The following HS6ST2 variants were observed in gnomAD, a reference collection of about 807,000 sequenced individuals.
The protein encoded by HS6ST2 is heparan sulfate 6-O-sulfotransferase 2.
HS6ST2 carries 17 observed loss-of-function variants against 33.0 expected under a neutral mutation model. The observed-to-expected ratio is 0.52, with a 90% confidence interval of 0.35 to 0.77. HS6ST2 has a LOEUF of 0.77. HS6ST2 is among the 30% of genes least tolerant of loss of function. The pLI is 0.01. For missense variants in HS6ST2, 519 were observed against 551.7 expected, an observed-to-expected ratio of 0.94 and a Z score of 0.59; for synonymous variants, 248 against 237.1, an observed-to-expected ratio of 1.05 and a Z score of -0.42.
At chrX:132,783,338 T>C (rs755085532) in intron 2 of HS6ST2, among the ~76,000 whole-genome samples, 1 of 112,052 alleles carries the variant, frequency 8.9e-6, no homozygotes, top group Admixed American at 9.5e-5. Flanking sequence ...GGTGCTGTTT[T>C]GCAGACTCAA....
intron 4 of HS6ST2, among the ~76,000 whole-genome samples, chrX:132,652,522 A>T (rs2063701456): frequency 8.9e-6 from 1 of 111,819 alleles, no homozygotes; most frequent in Non-Finnish European, 1.9e-5. Flanking sequence ...TTTATCACTA[A>T]AGGTAATCAA....
intron 2 of HS6ST2, among the ~76,000 whole-genome samples, chrX:132,764,969 A>C (rs918538747): frequency 1.8e-5 from 2 of 112,199 alleles, no homozygotes; most frequent in African/African-American, 3.2e-5. Flanking sequence ...GAAAGAGTAA[A>C]GAGATTCTGG....
Position 132,750,451 on chromosome X carries a change from C to T in HS6ST2, c.948-41957G>A, listed in dbSNP as rs1225123789. Among the ~76,000 whole-genome samples, 3 of 110,038 alleles carry T rather than the reference C, an allele frequency of 2.7e-5. No homozygotes were observed. The Admixed American group carries it at 2.9e-4, about 11-fold the overall frequency. ...ATGGGGTAAGGAGTGAGCAAGTAAA[C>T]CAAAAGCCACAACAATCTACTTTTA... On this transcript the variant is annotated intron_variant, in intron 2 of 4. Transcript: ENST00000370833.
intron 2 of HS6ST2, among the ~76,000 whole-genome samples, chrX:132,903,575 T>C (rs2066444532): frequency 8.9e-6 from 1 of 111,937 alleles, no homozygotes; most frequent in Non-Finnish European, 1.9e-5. Context: ...TTGGCATAAG[T>C]ATAGATAAAT....
intron 2 of HS6ST2, among the ~76,000 whole-genome samples, chrX:132,752,275 C>T (rs1462860155): frequency 9.1e-6 from 1 of 110,391 alleles, no homozygotes; most frequent in African/African-American, 3.3e-5. Context: ...AGTTCGAGAC[C>T]AGCCTGGCCA....
intron 2 of HS6ST2, among the ~76,000 whole-genome samples, chrX:132,749,998 C>A (rs778300198): frequency 9.0e-6 from 1 of 110,844 alleles, no homozygotes; most frequent in African/African-American, 3.3e-5. Context: ...TGAGCTAGGC[C>A]CATTTAGCTA....
chrX:132,816,424 G>A (rs1182141649), intron 2 of HS6ST2, among the ~76,000 whole-genome samples: 1 of 112,068 alleles, frequency 8.9e-6, no homozygotes, highest in African/African-American at 3.2e-5. Context: ...AGTTCTTCAA[G>A]TGAGAGACCT....
intron 2 of HS6ST2, among the ~76,000 whole-genome samples, chrX:132,809,404 C>A (rs760038762): frequency 7.3e-4 from 82 of 112,121 alleles, no homozygotes; most frequent in Middle Eastern, 4.6e-3. Context: ...GAGAATAGAT[C>A]CCAGGAATTA....
intron 2 of HS6ST2, among the ~76,000 whole-genome samples, chrX:132,777,851 G>A (rs2064978844): frequency 8.9e-6 from 1 of 111,747 alleles, no homozygotes; most frequent in Admixed American, 9.5e-5. Context: ...TGGGGACAGC[G>A]AGTAGTTGAG....
At chrX:132,960,642 C>T (rs889602740), upstream of HS6ST2, among the ~76,000 whole-genome samples, 24 of 111,295 alleles carry the variant, frequency 2.2e-4, no homozygotes, top group African/African-American at 7.8e-4. Flanking sequence ...CACACACTCA[C>T]AGTCCAACCT....
chrX:132,807,752 G>A (rs764283634), intron 2 of HS6ST2, among the ~76,000 whole-genome samples: 3 of 112,181 alleles, frequency 2.7e-5, no homozygotes, highest in African/African-American at 6.5e-5. Context: ...CAAGCACTGC[G>A]AAAGGACGCT....
chrX:132,845,304 C>A (rs890821990), intron 2 of HS6ST2, among the ~76,000 whole-genome samples: 6 of 109,490 alleles, frequency 5.5e-5, no homozygotes, highest in African/African-American at 2.0e-4. Context: ...ATGTGTGTTG[C>A]ATGTGTGTAT....
At chrX:132,699,633 A>G (rs998548762) in intron 3 of HS6ST2, among the ~76,000 whole-genome samples, 2 of 112,082 alleles carry the variant, frequency 1.8e-5, no homozygotes, top group Non-Finnish European at 3.8e-5. Flanking sequence ...GAATTTCAGA[A>G]AACCTCTATT....
At chrX:132,732,709 G>A (rs1439469341) in intron 2 of HS6ST2, among the ~76,000 whole-genome samples, 1 of 111,444 alleles carries the variant, frequency 9.0e-6, no homozygotes, top group African/African-American at 3.3e-5. Flanking sequence ...ATGATTGTGA[G>A]GGCTCCCCAG....
chrX:132,724,073 G>A (rs373676752), intron 2 of HS6ST2, among the ~76,000 whole-genome samples: 162 of 111,885 alleles, frequency 1.4e-3, no homozygotes, highest in African/African-American at 5.1e-3. Context: ...CTGGGATCAC[G>A]CGTGGCTGCG....
At chrX:132,791,258 G>T (rs1361879945) in intron 2 of HS6ST2, among the ~76,000 whole-genome samples, 5 of 111,762 alleles carry the variant, frequency 4.5e-5, no homozygotes, top group African/African-American at 1.6e-4. Context: ...ATATATTCTG[G>T]GAACCACCCT....
intron 4 of HS6ST2, among the ~76,000 whole-genome samples, chrX:132,653,160 G>A (rs2063706431): frequency 1.8e-5 from 2 of 111,428 alleles, no homozygotes; most frequent in Non-Finnish European, 3.8e-5. Flanking sequence ...TGGCAATGGT[G>A]AAGTGACCAT....
intron 2 of HS6ST2, among the ~76,000 whole-genome samples, chrX:132,887,485 A>G (rs1166417934): frequency 8.9e-6 from 1 of 112,433 alleles, no homozygotes; most frequent in African/African-American, 3.2e-5. Flanking sequence ...TGACTGTAAT[A>G]AAAGATAGAC....
At chrX:132,803,262 T>C (rs2065252627) in intron 2 of HS6ST2, among the ~76,000 whole-genome samples, 1 of 111,695 alleles carries the variant, frequency 9.0e-6, no homozygotes, top group African/African-American at 3.3e-5. Flanking sequence ...TTTTACTTGT[T>C]TTCCTAGTAT....
Sources: allele counts gnomAD v4.1 joint callset (sites outside exome capture counted in the v4.1 genomes callset), GRCh38; gene constraint gnomAD v4.1.1; transcripts MANE v1.5; gene names NCBI Gene and HGNC (gene_info 2026-07-23, HGNC 2026-07-21).